The following TSNARE1 variants were observed in gnomAD, a reference collection of about 807,000 sequenced individuals.
TSNARE1 encodes t-SNARE domain containing 1, also known as t-SNARE domain-containing protein 1.
TSNARE1 carries 49 observed loss-of-function variants against 62.0 expected under a neutral mutation model. The ratio of observed to expected loss-of-function variants is 0.79; its 90% CI spans 0.63 to 1.00. The LOEUF (loss-of-function observed/expected upper bound fraction) is 1.00, where lower values mean the gene tolerates loss of function less well. Among genes scored for constraint, TSNARE1 ranks in the 50% least tolerant of loss-of-function variants. The pLI, the probability that TSNARE1 is intolerant of heterozygous loss-of-function variation, is 0.00. For missense variants in TSNARE1, 755 were observed against 700.1 expected, an observed-to-expected ratio of 1.08 and a Z score of -0.88; for synonymous variants, 328 against 294.4, an observed-to-expected ratio of 1.11 and a Z score of -1.17.
rs567884791 is a variant in TSNARE1, at chr8:142,332,299, C to G, written c.746-468G>C. Among the ~76,000 whole-genome samples, 9 of 152,292 alleles carry G rather than the reference C, an allele frequency of 5.9e-5. No homozygotes were observed. In the South Asian group the frequency reaches 1.9e-3, roughly 32 times the overall value. On this transcript the variant is annotated intron_variant, in intron 4 of 13. Coordinates refer to ENST00000524325, the MANE Select transcript of TSNARE1 (RefSeq NM_145003.5). ...AGGTGAGCCCTGAGCACAGCACGCA[C>G]AGAGATGAAAGCCAGCAGGAAAAGG...
At chr8:142,348,791 T>C (rs1323329035) in intron 2 of TSNARE1, among the ~76,000 whole-genome samples, 1 of 152,122 alleles carries the variant, frequency 6.6e-6, no homozygotes, top group Non-Finnish European at 1.5e-5. Context: ...CCCGTGTGCA[T>C]GGAGCTCTGG....
intron 11 of TSNARE1, among the ~76,000 whole-genome samples, chr8:142,281,105 G>A (rs941940873): frequency 6.6e-6 from 1 of 152,204 alleles, no homozygotes; most frequent in South Asian, 2.1e-4. Context: ...CCAGGAGGCT[G>A]TTCTCGGCAC....
chr8:142,349,967 G>C (rs114184192), intron 2 of TSNARE1, among the ~76,000 whole-genome samples: 5,529 of 149,460 alleles, frequency 0.037, 328 homozygotes, highest in African/African-American at 0.13. Context: ...ACCAGGGCAG[G>C]CAGGGCAGGC....
intron 1 of TSNARE1, among the ~76,000 whole-genome samples, chr8:142,370,040 A>G (rs1366986728): frequency 6.6e-6 from 1 of 152,202 alleles, no homozygotes; most frequent in African/African-American, 2.4e-5. Context: ...GAATTGGATC[A>G]GTGCCCTTAT....
chr8:142,238,725 ACCCGCCCCTGCACG>A (rs1282473491), intron 12 of TSNARE1, among the ~76,000 whole-genome samples: 17 of 67,266 alleles, frequency 2.5e-4, no homozygotes, highest in Non-Finnish European at 3.4e-4. Context: ...GCCCCTGCAC[ACCCGCCCCTGCACG>A]CCCGCCCCTG....
intron 12 of TSNARE1, chr8:142,270,278 A>G: frequency 2.0e-6 from 2 of 985,378 alleles, no homozygotes; most frequent in Non-Finnish European, 2.4e-6. Context: ...AGACGCAGGG[A>G]AGTGCCCAGG....
At chr8:142,382,923 G>A (rs925925635) in intron 1 of TSNARE1, among the ~76,000 whole-genome samples, 19 of 152,176 alleles carry the variant, frequency 1.2e-4, no homozygotes, top group East Asian at 1.9e-4. Flanking sequence ...GTGAGGGCCC[G>A]AAGTGCAGGC....
At chr8:142,264,455 G>C (rs1819037775) in intron 12 of TSNARE1, among the ~76,000 whole-genome samples, 1 of 152,184 alleles carries the variant, frequency 6.6e-6, no homozygotes, top group Non-Finnish European at 1.5e-5. Context: ...TTCAGCGCTG[G>C]TGTTCAAATT....
At chr8:142,249,492 G>C (rs1300331580) in intron 12 of TSNARE1, among the ~76,000 whole-genome samples, 1 of 152,180 alleles carries the variant, frequency 6.6e-6, no homozygotes, top group Non-Finnish European at 1.5e-5. Context: ...GAGGAGGGCA[G>C]GTCCTGGGCA....
intron 13 of TSNARE1, among the ~76,000 whole-genome samples, chr8:142,226,514 G>C (rs1027666971): frequency 1.3e-5 from 2 of 152,146 alleles, no homozygotes; most frequent in Admixed American, 1.3e-4. Context: ...CGAGGACTCA[G>C]AGCTGGGAGG....
chr8:142,337,895 A>G (rs1179976259), intron 4 of TSNARE1, among the ~76,000 whole-genome samples: 1 of 152,222 alleles, frequency 6.6e-6, no homozygotes, highest in Non-Finnish European at 1.5e-5. Flanking sequence ...ACCCAGCTGA[A>G]GACCCTGGCT....
chr8:142,271,443 A>C, intron 12 of TSNARE1: 3 of 1,258,212 alleles, frequency 2.4e-6, no homozygotes, highest in Non-Finnish European at 3.0e-6. Context: ...GACGTTTCAG[A>C]TGCTGCCGCT....
chr8:142,384,298 G>A (rs1564008293), intron 1 of TSNARE1, among the ~76,000 whole-genome samples: 1 of 152,174 alleles, frequency 6.6e-6, no homozygotes, highest in Non-Finnish European at 1.5e-5. Context: ...TGAGAAGGAA[G>A]CTGCAAGGAC....
chr8:142,341,621 T>TC, intron 4 of TSNARE1, among the ~76,000 whole-genome samples: 1 of 152,170 alleles, frequency 6.6e-6, no homozygotes, highest in South Asian at 2.1e-4. Context: ...TATGAAGCCA[T>TC]CCCACCACCT....
At chr8:142,230,714 G>A (rs887328557) in intron 12 of TSNARE1, among the ~76,000 whole-genome samples, 9 of 152,002 alleles carry the variant, frequency 5.9e-5, no homozygotes, top group East Asian at 3.9e-4. Context: ...GAGTCCCCTC[G>A]GTTACCCCTC....
intron 13 of TSNARE1, among the ~76,000 whole-genome samples, chr8:142,217,146 G>C (rs1322267198): frequency 6.6e-6 from 1 of 151,964 alleles, no homozygotes; most frequent in Non-Finnish European, 1.5e-5. Flanking sequence ...AGGAGGCTGA[G>C]GCAAGAGAAT....
rs543585669 is a variant in TSNARE1 at position 142,291,554 on chromosome 8, C to A, written c.1291-7069G>T. Among the ~76,000 whole-genome samples, 1 of 152,220 alleles carries A rather than the reference C, an allele frequency of 6.6e-6. No homozygotes were observed. The highest frequency in any genetic ancestry group is 6.5e-5 in the Admixed American group (1 of 15,306). On this transcript the variant is annotated intron_variant, in intron 10 of 13. Coordinates refer to ENST00000524325, the MANE Select transcript of TSNARE1 (RefSeq NM_145003.5). This position sits in a 1 kb window ranked among gnomAD's most constrained non-coding sequence, Gnocchi z 4.8. ...CACCCACCCCACCCAGCACTGCCAC[C>A]CACCCATTTGTTCATTCAGCAGCCA...
rs138803768 is a variant in TSNARE1 at position 142,382,506 on chromosome 8, G to A, written c.-40+20598C>T. Among the ~76,000 whole-genome samples, 19 of 152,246 alleles carry A rather than the reference G, an allele frequency of 1.2e-4. 1 individual carries two copies. Among genetic ancestry groups the A allele is most frequent in the Admixed American group, 3.9e-4 (6 of 15,308 alleles). On this transcript the variant is annotated intron_variant, in intron 1 of 13. Transcript: ENST00000524325. ...CAAGATGCCAGCGCCTGAGTCATGC[G>A]GGCAGGGGGCAGGGAGCACCCCTGC...
rs377136144 is a variant in TSNARE1 at position 142,297,790 on chromosome 8, T to C, written c.1290+2696A>G. Among the ~76,000 whole-genome samples, 48 of 152,340 alleles carry C rather than the reference T, an allele frequency of 3.2e-4. No individual in the cohort carries two copies. In the South Asian group the frequency reaches 7.2e-3, roughly 23 times the overall value. The stretch of plus-strand genomic sequence containing the variant: ...CCTGCTGCAGACCGTGGGGAGGGCT[T>C]CCTAAAGGCTAATGACAATTTGCGT... On this transcript the variant is annotated intron_variant, in intron 10 of 13. Transcript: ENST00000524325.
Sources: gnomAD v4.1 joint callset for allele counts (sites outside exome capture counted in the v4.1 genomes callset) on GRCh38, gnomAD v4.1.1 for gene constraint, Gnocchi (gnomAD v3.1) non-coding constraint, MANE v1.5 for transcripts, NCBI Gene and HGNC (gene_info 2026-07-23, HGNC 2026-07-21) for gene names.